Variants in COL18A1 observed in about 807,000 individuals in gnomAD.
The protein encoded by COL18A1 is collagen type XVIII alpha 1 chain.
COL18A1 carries 133 observed loss-of-function variants against 168.0 expected under a neutral mutation model. The observed-to-expected ratio is 0.79, with a 90% CI of 0.69 to 0.91. The LOEUF (loss-of-function observed/expected upper bound fraction) is 0.91. Among genes scored for constraint, COL18A1 ranks in the 40% least tolerant of loss-of-function variants. The pLI is 0.00. For missense variants in COL18A1, 2,126 were observed against 1,925.4 expected, an observed-to-expected ratio of 1.10 and a Z score of -1.95; for synonymous variants, 949 against 809.0, an observed-to-expected ratio of 1.17 and a Z score of -2.94.
chr21:45,510,946 C>CCCACAT (rs149520091), intron 40 of COL18A1, among the ~76,000 whole-genome samples, 165 bp from the exon 41 acceptor site: 1 of 57,382 alleles, frequency 1.7e-5, no homozygotes, highest in Non-Finnish European at 3.1e-5. Flanking sequence ...AAAACACACA[C>CCCACAT]CCACAACACC....
rs1260935064 is a variant in COL18A1, at chr21:45,457,182, C to T, written c.107-11060C>T. Among the ~76,000 whole-genome samples, 2 of 152,228 alleles carry T rather than the reference C, an allele frequency of 1.3e-5. No homozygotes were observed. Among genetic ancestry groups the T allele is most frequent in the Non-Finnish European group, 2.9e-5 (2 of 68,036 alleles). On this transcript the variant is annotated intron_variant, in intron 2 of 41. Transcript: ENST00000651438. The surrounding 1 kb of genome is among the most constrained non-coding windows in gnomAD (Gnocchi z 4.6). ...TCAGCACGGTCCCGAGATACCCTGC[C>T]ATGCCCCGAGTCACAGAGGGGAAAC...
chr21:45,460,698 G>A (rs1233833375), intron 2 of COL18A1, among the ~76,000 whole-genome samples: 2 of 152,004 alleles, frequency 1.3e-5, no homozygotes, highest in African/African-American at 2.4e-5. Context: ...TGTAACTTTG[G>A]TTTAAGAAGG....
chr21:45,431,799 G>A (rs985177042), intron 2 of COL18A1, among the ~76,000 whole-genome samples: 1 of 152,144 alleles, frequency 6.6e-6, no homozygotes, highest in African/African-American at 2.4e-5. Flanking sequence ...TCTAAGCCGC[G>A]CGCATTGGTG....
chr21:45,405,627 G>C (rs1569270568), intron 2 of COL18A1, among the ~76,000 whole-genome samples, 154 bp downstream of exon 2: 3 of 151,074 alleles, frequency 2.0e-5, no homozygotes, highest in South Asian at 4.1e-4. Flanking sequence ...GGAGCCGGAC[G>C]GAGCGGGGCG....
intron 2 of COL18A1, among the ~76,000 whole-genome samples, chr21:45,437,561 CAG>C (rs1294953183): frequency 1.3e-4 from 8 of 63,188 alleles, no homozygotes; most frequent in Non-Finnish European, 2.1e-4. Context: ...CACACACACA[CAG>C]ACACAGGCAC....
At chr21:45,475,897 CAGG>C (rs2035630904) in intron 5 of COL18A1, among the ~76,000 whole-genome samples, 1 of 152,240 alleles carries the variant, frequency 6.6e-6, no homozygotes, top group Admixed American at 6.5e-5. Context: ...GCCTGACGAC[CAGG>C]AGGAGAAGGC....
chr21:45,405,843 G>A (rs1358342028), intron 2 of COL18A1, among the ~76,000 whole-genome samples: 3 of 151,812 alleles, frequency 2.0e-5, no homozygotes, highest in African/African-American at 7.2e-5. Flanking sequence ...GCAGCGCCGG[G>A]TCCCGGGACT....
intron 2 of COL18A1, among the ~76,000 whole-genome samples, 178 bp downstream of exon 2, chr21:45,405,651 C>T (rs1288933771): frequency 6.6e-6 from 1 of 150,988 alleles, no homozygotes; most frequent in Non-Finnish European, 1.5e-5. Context: ...TGGCCGGAGT[C>T]CCGCCCATTC....
At chr21:45,474,027 G>A (rs1363762620) in intron 4 of COL18A1, 46 bp downstream of exon 4, 8 of 1,469,348 alleles carry the variant, frequency 5.4e-6, no homozygotes, top group Non-Finnish European at 6.5e-6. Flanking sequence ...TCAATCCCTG[G>A]CACGCGGAGT....
rs1216660670 is a variant in COL18A1, at chr21:45,471,590, C to T, written c.652-2305C>T. On this transcript the variant is annotated intron_variant, in intron 3 of 41. Transcript: ENST00000651438. This position sits in a 1 kb window ranked among gnomAD's most constrained non-coding sequence, Gnocchi z 4.4. ...CCTCCGGAGCATTGGTTGTGTTCCT[C>T]GTCCTAAGAGTCCTTGGGCGTTGTT... Among the ~76,000 whole-genome samples, 2 of 152,284 alleles carry T rather than the reference C, an allele frequency of 1.3e-5. No homozygotes were observed. Among genetic ancestry groups the T allele is most frequent in the Middle Eastern group, 3.4e-3 (1 of 294 alleles).
At position 45,505,366 on chromosome 21, in the gene COL18A1, G is replaced by A. The variant is rs201381498; in HGVS notation, c.3022G>A (p.Val1008Ile). 815 of 1,594,236 alleles carry A rather than the reference G, an allele frequency of 5.1e-4. 1 individual carries two copies. The highest frequency in any genetic ancestry group is 3.8e-3 in the African/African-American group (283 of 74,642). Residue 1008 changes from valine (V) to isoleucine (I), a missense_variant, in exon 36 of 42, where the codon GTT becomes ATT. Val to Ile is a conservative substitution (Grantham distance 29, BLOSUM62 3). Transcript: ENST00000651438. ...FPGPHRQTIS[V>I]PGPPGPPGPP... ...TGGTTTCTCTCCTGCAGCTATCAGC[G>A]TTCCCGGCCCTCCGGGCCCCCCTGG... is the stretch of plus-strand genomic sequence containing the variant.
chr21:45,477,486 A>G lies in COL18A1; in HGVS notation c.1004A>G (p.Glu335Gly). Residue 335 changes from glutamate (E) to glycine (G), a missense_variant and splice_region_variant, in exon 7 of 42, where the codon GAG (glutamate) becomes GGG (glycine). Glu to Gly is a moderately conservative substitution (Grantham distance 98). Transcript: ENST00000651438. ...CGGACCCCTGGGGGCCGCGTGAAAG[A>G]GGTAAGGCCACCTCCCTGTGCTCCT... ...SVRTPGGRVK[E>G]GGLKGQKGEP... is the part of the protein sequence containing the mutation. 6.2e-7 allele frequency: 1 copy of G among 1,607,682 alleles called. No individual in the cohort carries two copies. Among genetic ancestry groups the G allele is most frequent in the Non-Finnish European group, 8.5e-7 (1 of 1,177,140 alleles).
chr21:45,477,277 C>A, intron 6 of COL18A1, 134 bp from the exon 7 acceptor site: 2 of 704,710 alleles, frequency 2.8e-6, no homozygotes, highest in South Asian at 1.6e-5. Context: ...CGGCCTGAGG[C>A]TGGGGATCTG....
At chr21:45,431,670 T>A (rs990149432) in intron 2 of COL18A1, among the ~76,000 whole-genome samples, 2 of 151,888 alleles carry the variant, frequency 1.3e-5, no homozygotes, top group Non-Finnish European at 2.9e-5. Flanking sequence ...AGTGGTGATG[T>A]TCTGGAGGGC....
chr21:45,489,143 C>T (rs941086173), intron 18 of COL18A1, among the ~76,000 whole-genome samples: 7 of 152,352 alleles, frequency 4.6e-5, no homozygotes, highest in African/African-American at 1.4e-4. Flanking sequence ...TGCAAGACAT[C>T]GGGACACTCA....
intron 2 of COL18A1, among the ~76,000 whole-genome samples, chr21:45,405,983 G>T (rs2033094005): frequency 6.6e-6 from 1 of 152,010 alleles, no homozygotes; most frequent in South Asian, 2.1e-4. Context: ...CCCCGCGCCC[G>T]CCGTGGTGTC....
At chr21:45,511,325 A>AATCTT in intron 41 of COL18A1, 99 bp downstream of exon 41, 3 of 712,224 alleles carry the variant, frequency 4.2e-6, no homozygotes, top group East Asian at 2.7e-5. Context: ...TTTTTGGACA[A>AATCTT]ATCTTATACA....
Position 45,497,054 on chromosome 21 carries a change from T to C in COL18A1, c.2582T>C (p.Phe861Ser). Reference protein sequence around the residue: ...PGTPVYDSNVFAESSRPGPPG... With the variant: ...PGTPVYDSNVSAESSRPGPPG... Reference sequence around the variant, plus strand: ...GCCTCTCCCCGTTCCTTGCAGGTGTTTGCTGAGTCCAGCCGCCCCGGGCCT... The same window carrying C: ...GCCTCTCCCCGTTCCTTGCAGGTGTCTGCTGAGTCCAGCCGCCCCGGGCCT... Residue 861 changes from phenylalanine (F) to serine (S), a missense_variant, in exon 31 of 42, where the codon TTT becomes TCT. Physicochemically the swap from Phe to Ser is radical, Grantham distance 155. Coordinates refer to ENST00000651438, the MANE Select transcript of COL18A1 (RefSeq NM_001379500.1). 2 of 1,603,994 alleles carry C rather than the reference T, an allele frequency of 1.2e-6. No homozygotes were observed. The highest frequency in any genetic ancestry group is 1.7e-6 in the Non-Finnish European group (2 of 1,175,344).
intron 38 of COL18A1, 34 bp downstream of exon 38, chr21:45,507,627 TG>T: frequency 6.2e-7 from 1 of 1,606,126 alleles, no homozygotes; most frequent in Non-Finnish European, 8.5e-7. Flanking sequence ...GACTGGTGGG[TG>T]GTCAGGACAT....
Sources: allele counts gnomAD v4.1 joint callset (sites outside exome capture counted in the v4.1 genomes callset), GRCh38; gene constraint gnomAD v4.1.1; non-coding constraint Gnocchi (gnomAD v3.1); transcripts MANE v1.5; gene names NCBI Gene and HGNC (gene_info 2026-07-23, HGNC 2026-07-21).